The following SEMA3A variants were observed in gnomAD, a reference collection of about 807,000 sequenced individuals.
SEMA3A encodes semaphorin-3A.
In SEMA3A, 29 loss-of-function variants were observed where a neutral mutation model predicts 97.9. The observed-to-expected ratio is 0.30, with a 90% CI of 0.22 to 0.40. SEMA3A has a LOEUF of 0.40. Among genes scored for constraint, SEMA3A ranks in the 10% least tolerant of loss-of-function variants. SEMA3A has a pLI of 1.00. For synonymous variants in SEMA3A, 321 were observed against 323.7 expected (o/e 0.99, Z 0.09); for missense variants, 763 against 951.3 (o/e 0.80, Z 2.60).
chr7:84,201,095 A>G lies in SEMA3A; in HGVS notation c.-82-6427T>C, dbSNP rs1424113759. Reference sequence around the variant, plus strand: ...AAACAAAGTGAAGAGACTAAGCAATATGGTTTAAAGGATTACTTTACATCT... The same window carrying G: ...AAACAAAGTGAAGAGACTAAGCAATGTGGTTTAAAGGATTACTTTACATCT... On this transcript the variant is annotated intron_variant, in intron 3 of 3. Transcript: ENST00000424555. Among the ~76,000 whole-genome samples the G allele has an allele frequency of 8.5e-5, 13 of 152,228 alleles. No individual in the cohort carries two copies. The East Asian group carries it at 1.3e-3, about 16-fold the overall frequency.
chr7:84,099,123 T>TAAA lies in SEMA3A; in HGVS notation c.453+11346_453+11347insTTT, dbSNP rs1794869947. 7.9e-5 allele frequency among the ~76,000 whole-genome samples: 4 copies of TAAA among 50,478 alleles called. 2 individuals carry two copies. The highest frequency in any genetic ancestry group is 2.6e-4 in the Non-Finnish European group (4 of 15,630). The allele number at this position is 50,478 out of a possible 152,430, so 33.1% of individuals were successfully genotyped here. A position where few individuals can be genotyped will look rare whatever the true frequency, so the allele number is the denominator to read the frequency against. ...TCTCGCTCTGTCGCCCAGGCTGGAG[T>TAAA]GCAGTGGCGCGATCTCGGCTCACTG... On this transcript the variant is annotated intron_variant, in intron 4 of 16. Coordinates refer to ENST00000265362, the MANE Select transcript of SEMA3A (RefSeq NM_006080.3).
rs1327685243 is a variant in SEMA3A, at chr7:84,152,568, G to A, written c.113-17617C>T. On this transcript the variant is annotated intron_variant, in intron 1 of 16. Coordinates refer to ENST00000265362, the MANE Select transcript of SEMA3A (RefSeq NM_006080.3). ...GGGGTGGGGGGAGGGGGGAGGGATAGCATTGGGAGATATACCTAATGCTAG... is the reference window on the plus strand; with the variant it reads ...GGGGTGGGGGGAGGGGGGAGGGATAACATTGGGAGATATACCTAATGCTAG... 1.1e-3 allele frequency among the ~76,000 whole-genome samples: 145 copies of A among 134,692 alleles called. 1 individual carries two copies. The highest frequency in any genetic ancestry group is 3.9e-3 in the African/African-American group (141 of 35,708). 88.4% of individuals were successfully genotyped at this position (134,692 alleles called of 152,430 possible). A position where few individuals can be genotyped will look rare whatever the true frequency, so the allele number is the denominator to read the frequency against.
intron 3 of SEMA3A, among the ~76,000 whole-genome samples, chr7:84,203,900 G>A (rs536270697): frequency 6.6e-6 from 1 of 151,984 alleles, no homozygotes; most frequent in African/African-American, 2.4e-5. Context: ...GTAGGCCATG[G>A]CATTAGAGAG....
At chr7:84,415,571 A>G (rs1804410700) in intron 1 of SEMA3A, among the ~76,000 whole-genome samples, 1 of 152,098 alleles carries the variant, frequency 6.6e-6, no homozygotes, top group Non-Finnish European at 1.5e-5. Flanking sequence ...GGCAGAAAGT[A>G]AATTTGGCCA....
intron 10 of SEMA3A, among the ~76,000 whole-genome samples, chr7:84,006,817 T>G (rs1344500874): frequency 6.6e-6 from 1 of 152,148 alleles, no homozygotes; most frequent in Non-Finnish European, 1.5e-5. Flanking sequence ...ATAAAATGAA[T>G]GTGTTTTGAA....
intron 3 of SEMA3A, among the ~76,000 whole-genome samples, chr7:84,117,277 G>A (rs959816902): frequency 2.0e-5 from 3 of 151,208 alleles, no homozygotes; most frequent in African/African-American, 7.4e-5. Context: ...TTAGTGATAT[G>A]TAGTAAAGAT....
chr7:84,121,430 C>T (rs1428657679), intron 3 of SEMA3A, among the ~76,000 whole-genome samples: 1 of 149,058 alleles, frequency 6.7e-6, no homozygotes, highest in Admixed American at 6.8e-5. Context: ...TCTCATTGTT[C>T]AATTCCCACC....
At chr7:84,188,948 ACACCT>A (rs900314349) in intron 1 of SEMA3A, among the ~76,000 whole-genome samples, 1 of 151,860 alleles carries the variant, frequency 6.6e-6, no homozygotes, top group African/African-American at 2.4e-5. Context: ...CTTGGTCTGC[ACACCT>A]TATTCTGTGC....
Position 84,051,169 on chromosome 7 carries a change from C to T in SEMA3A, c.548-4726G>A, listed in dbSNP as rs4422705. Among the ~76,000 whole-genome samples, 665 of 148,230 alleles carry T rather than the reference C, an allele frequency of 4.5e-3. 3 individuals carry two copies. Among genetic ancestry groups the T allele is most frequent in the African/African-American group, 0.015 (607 of 40,598 alleles). On this transcript the variant is annotated intron_variant, in intron 5 of 16. Coordinates refer to ENST00000265362, the MANE Select transcript of SEMA3A (RefSeq NM_006080.3). ...GATGCCTCCAGCTTTGTTCTTTTGG[C>T]TTAGGATTGACTTTGCAATGCGGGC...
chr7:84,246,824 G>C (rs922802835), intron 3 of SEMA3A, among the ~76,000 whole-genome samples: 1 of 151,910 alleles, frequency 6.6e-6, no homozygotes, highest in African/African-American at 2.4e-5. Flanking sequence ...TTAGTCTTAA[G>C]GGAGTCATCA....
At chr7:84,346,408 G>A (rs1245897277) in intron 2 of SEMA3A, among the ~76,000 whole-genome samples, 1 of 152,136 alleles carries the variant, frequency 6.6e-6, no homozygotes, top group Non-Finnish European at 1.5e-5. Flanking sequence ...GGTGCAAGAG[G>A]CCTTGCTTTT....
intron 2 of SEMA3A, among the ~76,000 whole-genome samples, chr7:84,351,983 G>A (rs1802447640): frequency 1.3e-5 from 2 of 151,048 alleles, no homozygotes; most frequent in South Asian, 4.2e-4. Context: ...TTGCTCATCA[G>A]CAGATGAATG....
chr7:84,468,188 ACT>A (rs1226605613), intron 1 of SEMA3A, among the ~76,000 whole-genome samples: 4 of 152,022 alleles, frequency 2.6e-5, no homozygotes, highest in African/African-American at 9.6e-5. Flanking sequence ...AAATTGGAAC[ACT>A]CTCTTCCCCC....
chr7:84,438,424 G>A (rs939016929), intron 1 of SEMA3A, among the ~76,000 whole-genome samples: 2 of 152,034 alleles, frequency 1.3e-5, no homozygotes, highest in Non-Finnish European at 2.9e-5. Flanking sequence ...ATCCATAGAA[G>A]ACCAATACAA....
In SEMA3A at chr7:84,077,231, T is replaced by C. The variant is rs148227516; in HGVS notation, c.454-16673A>G. On this transcript the variant is annotated intron_variant, in intron 4 of 16. Coordinates refer to ENST00000265362, the MANE Select transcript of SEMA3A (RefSeq NM_006080.3). ...AAGTAAAGTAATAGAACAATTGACT[T>C]GATCTCTCCATATGTGCATTTTAAG... Among the ~76,000 whole-genome samples, 870 of 152,218 alleles carry C rather than the reference T, an allele frequency of 5.7e-3. 10 individuals carry two copies. The highest frequency in any genetic ancestry group is 0.02 in the African/African-American group (826 of 41,570).
intron 2 of SEMA3A, among the ~76,000 whole-genome samples, chr7:84,319,883 G>C (rs187220371): frequency 6.6e-6 from 1 of 152,062 alleles, no homozygotes; most frequent in Admixed American, 6.6e-5. Context: ...CAATATAATG[G>C]ATTTTCCTTG....
At chr7:84,420,441 A>C (rs1344752321) in intron 1 of SEMA3A, among the ~76,000 whole-genome samples, 1 of 152,190 alleles carries the variant, frequency 6.6e-6, no homozygotes, top group Admixed American at 6.6e-5. Context: ...GCTCAATAGG[A>C]GATTTGAAAA....
intron 5 of SEMA3A, among the ~76,000 whole-genome samples, chr7:84,049,814 C>T (rs1286229187): frequency 6.7e-6 from 1 of 149,850 alleles, no homozygotes; most frequent in African/African-American, 2.5e-5. Context: ...GCTGCACCCA[C>T]TAACTCATCA....
chr7:84,062,985 G>A (rs1466096169), intron 4 of SEMA3A, among the ~76,000 whole-genome samples: 2 of 151,950 alleles, frequency 1.3e-5, no homozygotes, highest in Non-Finnish European at 2.9e-5. Flanking sequence ...CAAACAAAAA[G>A]ACAGCAGTAA....
Sources: allele counts gnomAD v4.1 joint callset (sites outside exome capture counted in the v4.1 genomes callset), GRCh38; gene constraint gnomAD v4.1.1; transcripts MANE v1.5; gene names NCBI Gene and HGNC (gene_info 2026-07-23, HGNC 2026-07-21).